LIPA: variants seen among roughly 807,000 people sequenced by gnomAD.
The protein encoded by LIPA is lysosomal acid lipase/cholesteryl ester hydrolase.
Under a neutral mutation model 40.6 loss-of-function variants are expected in LIPA, and 26 were observed. The observed-to-expected ratio is 0.64, with a 90% CI of 0.47 to 0.89. LIPA has a LOEUF of 0.89. Ranked by LOEUF, LIPA falls within the 40% of genes least tolerant of loss-of-function variation. The pLI is 0.00. For synonymous variants in LIPA, 188 were observed against 168.4 expected (o/e 1.12, Z -0.90); for missense variants, 455 against 479.6 (o/e 0.95, Z 0.48).
At chr10:89,278,082 A>G (rs1843297735) in intron 1 of LIPA, 1 of 152,178 alleles carries the variant, frequency 6.6e-6, no homozygotes, top group Admixed American at 6.5e-5. Flanking sequence ...CCTGGTGTAA[A>G]TCAGGCTCAG....
chr10:89,311,671 C>A (rs1365957713), intron 1 of LIPA, among the ~76,000 whole-genome samples: 7 of 151,834 alleles, frequency 4.6e-5, no homozygotes, highest in Admixed American at 4.6e-4. Context: ...CTAGAGTTCA[C>A]TAGAATATTT....
At chr10:89,406,364 G>A (rs2133640373) in intron 2 of LIPA, 1 of 152,288 alleles carries the variant, frequency 6.6e-6, no homozygotes, top group African/African-American at 2.4e-5. Flanking sequence ...GCAGGATGTG[G>A]GTGGGGCCAA....
chr10:89,239,105 C>T (rs190813446), intron 3 of LIPA, among the ~76,000 whole-genome samples: 135 of 152,308 alleles, frequency 8.9e-4, no homozygotes, highest in African/African-American at 3.2e-3. Context: ...GCACTTTACA[C>T]GCATTATCTC....
At chr10:89,259,838 T>C (rs1843198017) in intron 1 of LIPA, among the ~76,000 whole-genome samples, 1 of 152,210 alleles carries the variant, frequency 6.6e-6, no homozygotes, top group South Asian at 2.1e-4. Context: ...TGTAAATTAG[T>C]CTACAGTCAC....
chr10:89,262,007 A>T (rs1357398379), intron 1 of LIPA, among the ~76,000 whole-genome samples: 1 of 152,102 alleles, frequency 6.6e-6, no homozygotes, highest in East Asian at 1.9e-4. Context: ...GGGGTATGTG[A>T]TCTGTTTTTT....
At position 89,349,666 on chromosome 10, in the gene LIPA, G is replaced by C. The variant is rs369339403; in HGVS notation, c.61+63125C>G. Among the ~76,000 whole-genome samples the C allele has an allele frequency of 2.4e-4, 36 of 152,282 alleles. No homozygotes were observed. The East Asian group carries it at 5.2e-3, about 22-fold the overall frequency. ...ATGAGATAGTCTCAAGATGGGGAGA[G>C]TCCAGTCTGTCAGGAGTGGTTGGAG... On this transcript the variant is annotated intron_variant, in intron 2 of 8. Coordinates refer to the LIPA transcript ENST00000371837.
intron 2 of LIPA, chr10:89,402,378 T>A: frequency 6.2e-7 from 1 of 1,614,164 alleles, no homozygotes; most frequent in Non-Finnish European, 8.5e-7. Flanking sequence ...AATGCCTGAT[T>A]TAGAAAACAG....
At chr10:89,254,973 A>G (rs183623279), upstream of LIPA, among the ~76,000 whole-genome samples, 13 of 152,280 alleles carry the variant, frequency 8.5e-5, no homozygotes, top group African/African-American at 3.1e-4. Flanking sequence ...TGTCCATATC[A>G]TTATCAGCAT....
At chr10:89,339,711 C>T in intron 1 of LIPA, 1 of 1,614,138 alleles carries the variant, frequency 6.2e-7, no homozygotes, top group Non-Finnish European at 8.5e-7. Flanking sequence ...ATAAGGAAGT[C>T]CCTGATGCTG....
At chr10:89,393,635 C>T (rs1346344229) in intron 2 of LIPA, among the ~76,000 whole-genome samples, 1 of 152,224 alleles carries the variant, frequency 6.6e-6, no homozygotes, top group Admixed American at 6.5e-5. Flanking sequence ...GAGGCTGAGG[C>T]AGGAGAATCA....
At chr10:89,223,175 G>C (rs978551720) in intron 7 of LIPA, among the ~76,000 whole-genome samples, 1 of 152,088 alleles carries the variant, frequency 6.6e-6, no homozygotes, top group Admixed American at 6.6e-5. Flanking sequence ...TTGAAAATTT[G>C]TGTATTTTAG....
chr10:89,352,130 C>T (rs1186709822), intron 2 of LIPA, among the ~76,000 whole-genome samples: 2 of 152,198 alleles, frequency 1.3e-5, no homozygotes, highest in African/African-American at 2.4e-5. Flanking sequence ...ATAGAGGACA[C>T]ATTCCTTTAT....
chr10:89,322,883 C>A (rs372735005), intron 1 of LIPA, among the ~76,000 whole-genome samples: 1 of 152,218 alleles, frequency 6.6e-6, no homozygotes, highest in African/African-American at 2.4e-5. Context: ...ACTACATCTA[C>A]CCCTGCCACT....
intron 2 of LIPA, among the ~76,000 whole-genome samples, chr10:89,370,737 G>T (rs1307792748): frequency 6.6e-6 from 1 of 152,172 alleles, no homozygotes; most frequent in Non-Finnish European, 1.5e-5. Context: ...GTCTCCAGGG[G>T]CCAAGTGTGG....
intron 1 of LIPA, among the ~76,000 whole-genome samples, chr10:89,337,091 G>A (rs11203075): frequency 0.062 from 9,433 of 152,262 alleles, 702 homozygotes; most frequent in African/African-American, 0.18. Context: ...GACTACTTCA[G>A]TCAGACTCAA....
intron 1 of LIPA, among the ~76,000 whole-genome samples, chr10:89,310,644 G>A (rs1000267929): frequency 2.6e-5 from 4 of 152,206 alleles, no homozygotes; most frequent in Admixed American, 2.0e-4. Context: ...GATGTACCTA[G>A]GTGCATGCAC....
intron 2 of LIPA, among the ~76,000 whole-genome samples, chr10:89,368,032 G>T (rs1844071575): frequency 6.6e-6 from 1 of 152,028 alleles, no homozygotes; most frequent in Admixed American, 6.6e-5. Flanking sequence ...CTATGCCCAG[G>T]CTAGTCTCAA....
intron 1 of LIPA, chr10:89,339,269 A>C: frequency 6.2e-7 from 1 of 1,614,222 alleles, no homozygotes; most frequent in Non-Finnish European, 8.5e-7. Context: ...CTGAGTCCTG[A>C]TAACCAATAC....
At chr10:89,375,054 C>A (rs1844112511) in intron 2 of LIPA, among the ~76,000 whole-genome samples, 1 of 152,232 alleles carries the variant, frequency 6.6e-6, no homozygotes, top group Non-Finnish European at 1.5e-5. Flanking sequence ...TAATGGTCAG[C>A]ACAGACTGCA....
Sources: allele counts gnomAD v4.1 joint callset (sites outside exome capture counted in the v4.1 genomes callset), GRCh38; gene constraint gnomAD v4.1.1; transcripts MANE v1.5; gene names NCBI Gene and HGNC (gene_info 2026-07-23, HGNC 2026-07-21).